DHRS12: variants seen among roughly 807,000 people sequenced by gnomAD.
DHRS12 encodes the protein dehydrogenase/reductase SDR family member 12.
DHRS12 carries 29 observed loss-of-function variants against 32.1 expected under a neutral mutation model. The observed-to-expected ratio is 0.90, with a 90% CI of 0.67 to 1.23. DHRS12 has a LOEUF of 1.23. Ranked by LOEUF, DHRS12 falls within the 50% of genes most tolerant of loss-of-function variation. The pLI is 0.00. For synonymous variants in DHRS12, 150 were observed against 135.9 expected, an observed-to-expected ratio of 1.10 and a Z score of -0.72; for missense variants, 330 against 337.2, an observed-to-expected ratio of 0.98 and a Z score of 0.17.
At chr13:51,776,228 C>T (rs553050714) in intron 5 of DHRS12, 4 of 152,054 alleles carry the variant, frequency 2.6e-5, no homozygotes, top group South Asian at 2.1e-4. Context: ...TTCTGGAGCC[C>T]AGAAGTCTGA....
chr13:51,770,963 A>G, intron 7 of DHRS12: 1 of 1,327,394 alleles, frequency 7.5e-7, no homozygotes, highest in South Asian at 1.9e-5. Context: ...ATTTCTTAGG[A>G]TGAATTCCAA....
intron 3 of DHRS12, among the ~76,000 whole-genome samples, chr13:51,790,941 C>T (rs1310833801): frequency 6.6e-6 from 1 of 152,142 alleles, no homozygotes; most frequent in Non-Finnish European, 1.5e-5. Flanking sequence ...CCTCCCACAA[C>T]ACCTACCCAG....
chr13:51,762,173 G>C, the DHRS12 span: 1 of 152,306 alleles, frequency 6.6e-6, no homozygotes, highest in Non-Finnish European at 1.5e-5. Flanking sequence ...CCTGCCGGCA[G>C]AGAGAGGAAC....
chr13:51,798,295 T>C (rs566742020), intron 2 of DHRS12, among the ~76,000 whole-genome samples: 4 of 152,316 alleles, frequency 2.6e-5, no homozygotes, highest in South Asian at 4.1e-4. Flanking sequence ...GGACTGGGTA[T>C]GTTTTACAAG....
At position 51,773,936 on chromosome 13, in the gene DHRS12, T is replaced by C; in HGVS notation, c.462A>G (p.Gln154=). 1 of 1,613,826 alleles carries C rather than the reference T, an allele frequency of 6.2e-7. No individual in the cohort carries two copies. The highest frequency in any genetic ancestry group is 2.2e-5 in the East Asian group (1 of 44,896). The part of the protein sequence containing the change: ...TPFDGTMVYA[Q]NKRQQVVLTE... Reference sequence around the variant, plus strand: ...GGAAACCCACCTCACTGACCTTGTTTTGTGCATAGACCATAGTTCCATCAA... The same window carrying C: ...GGAAACCCACCTCACTGACCTTGTTCTGTGCATAGACCATAGTTCCATCAA... Residue 154 remains glutamine, a synonymous_variant, in exon 6 of 9, where the codon CAA becomes CAG. Coordinates refer to ENST00000444610, the MANE Select transcript of DHRS12 (RefSeq NM_001377533.1).
intron 8 of DHRS12, chr13:51,768,596 G>C: frequency 8.1e-7 from 1 of 1,229,172 alleles, no homozygotes; most frequent in Non-Finnish European, 1.0e-6. Context: ...CAGCGCTTCA[G>C]AATTCCTCAA....
At position 51,768,267 on chromosome 13, in the gene DHRS12, G is replaced by C. The variant is rs777945190; in HGVS notation, c.727C>G (p.Leu243Val). 6.5e-7 allele frequency: 1 copy of C among 1,536,128 alleles called. No individual in the cohort carries two copies. The highest frequency in any genetic ancestry group is 1.2e-5 in the South Asian group (1 of 84,052). Residue 243 changes from leucine (L) to valine (V), a missense_variant, in exon 9 of 9, where the codon CTC (leucine) becomes GTC (valine). Coordinates refer to ENST00000444610, the MANE Select transcript of DHRS12 (RefSeq NM_001377533.1). ...DRKPVSTHLP[L>V]ATASSSPAEE... is the part of the protein sequence containing the mutation. ...GCCGGTGAGGAGGACGCTGTAGCGA[G>C]AGGCAAGTGTGTAGAAACTGGCTTC...
intron 8 of DHRS12, 85 bp from the exon 9 acceptor site, chr13:51,768,381 C>A: frequency 6.6e-7 from 1 of 1,518,898 alleles, no homozygotes; most frequent in South Asian, 1.2e-5. Flanking sequence ...GGCCTTGAAC[C>A]GACGCCTGCT....
intron 2 of DHRS12, 29 bp from the exon 3 acceptor site, chr13:51,791,286 C>G: frequency 8.5e-6 from 9 of 1,057,878 alleles, no homozygotes; most frequent in Non-Finnish European, 1.2e-5. Flanking sequence ...AAAAAAAAAA[C>G]CCTTTTTAAA....
chr13:51,780,350 T>C (rs1954645233), intron 4 of DHRS12, among the ~76,000 whole-genome samples: 1 of 152,096 alleles, frequency 6.6e-6, no homozygotes, highest in Admixed American at 6.5e-5. Flanking sequence ...ATTTGGGTGA[T>C]TCAAGGTTTT....
Position 51,769,280 on chromosome 13 carries a change from C to T in DHRS12, c.573G>A (p.Ala191=), listed in dbSNP as rs1593501000. ...CGAACCTGGCGTGGAACCCCGGCAT[C>T]GCCTGCCTCACACCTGGGAGAAGGA... ...GWADTPGVRQ[A]MPGFHARFGD... is the part of the protein sequence containing the mutation. The change falls in exon 8 of 9, where the codon GCG becomes GCA. Residue 191 remains alanine, a synonymous_variant. Transcript: ENST00000444610. The T allele has an allele frequency of 6.3e-7, 1 of 1,576,622 alleles. No individual in the cohort carries two copies. The highest frequency in any genetic ancestry group is 8.6e-7 in the Non-Finnish European group (1 of 1,159,782).
At chr13:51,777,894 G>A (rs575447710) in intron 4 of DHRS12, among the ~76,000 whole-genome samples, 1 of 152,332 alleles carries the variant, frequency 6.6e-6, no homozygotes, top group African/African-American at 2.4e-5. Flanking sequence ...TTATTACTCT[G>A]TGTTTACAAA....
chr13:51,771,412 G>C (rs561246895), intron 7 of DHRS12: 1 of 1,614,162 alleles, frequency 6.2e-7, no homozygotes, highest in South Asian at 1.1e-5. Context: ...TTACCTTCAT[G>C]CATCATTATT....
At chr13:51,801,223 G>C (rs1955738662) in intron 1 of DHRS12, among the ~76,000 whole-genome samples, 1 of 152,186 alleles carries the variant, frequency 6.6e-6, no homozygotes, top group South Asian at 2.1e-4. Context: ...GTCCCACCCT[G>C]TCGCCCAGGA....
chr13:51,771,747 G>T, intron 7 of DHRS12, 74 bp downstream of exon 7: 1 of 1,548,252 alleles, frequency 6.5e-7, no homozygotes, highest in Non-Finnish European at 8.9e-7. Flanking sequence ...TTCCTGGGGA[G>T]AGTCAATCCT....
At chr13:51,803,808 C>G (rs1238674197) in intron 1 of DHRS12, 1 of 335,024 alleles carries the variant, frequency 3.0e-6, no homozygotes, top group African/African-American at 2.2e-5. Flanking sequence ...TGGGCTTGGG[C>G]GCGCCACAGC....
At chr13:51,756,397 C>A in the DHRS12 span, 2 of 1,614,152 alleles carry the variant, frequency 1.2e-6, no homozygotes, top group Non-Finnish European at 1.7e-6. Flanking sequence ...CCTCCATCCC[C>A]CTGATGGGCT....
rs779382783 is a variant in DHRS12 at position 51,791,179 on chromosome 13, T to C, written c.205A>G (p.Lys69Glu). The C allele has an allele frequency of 6.3e-7, 1 of 1,584,972 alleles. No individual in the cohort carries two copies. The highest frequency in any genetic ancestry group is 1.2e-5 in the South Asian group (1 of 86,328). ...ACAAAGCTCACCAGAACATGGAGTTTATGTTCCTGCTTGAAATTTTCAACA... is the reference window on the plus strand; with the variant it reads ...ACAAAGCTCACCAGAACATGGAGTTCATGTTCCTGCTTGAAATTTTCAACA... ...KFVENFKQEH[K>E]LHVLINNAGC... The change falls in exon 3 of 9, where the codon AAA becomes GAA. Residue 69 changes from lysine (K) to glutamate (E), a missense_variant. By Grantham distance (56) the Lys-to-Glu change is moderately conservative. Coordinates refer to ENST00000444610, the MANE Select transcript of DHRS12 (RefSeq NM_001377533.1).
chr13:51,793,128 C>G (rs762917980), intron 2 of DHRS12, among the ~76,000 whole-genome samples: 2 of 152,136 alleles, frequency 1.3e-5, no homozygotes, highest in East Asian at 3.8e-4. Flanking sequence ...TCTAATGTGC[C>G]GTTTCTCCTT....
Sources: allele counts gnomAD v4.1 joint callset (sites outside exome capture counted in the v4.1 genomes callset), GRCh38; gene constraint gnomAD v4.1.1; transcripts MANE v1.5; gene names NCBI Gene and HGNC (gene_info 2026-07-23, HGNC 2026-07-21).